Variants in WNK2 observed in about 807,000 individuals in gnomAD.
The protein encoded by WNK2 is WNK lysine deficient protein kinase 2.
Under a neutral mutation model 192.1 loss-of-function variants are expected in WNK2, and 67 were observed. The observed-to-expected ratio is 0.35, with a 90% CI of 0.29 to 0.43. WNK2 has a LOEUF of 0.43. Ranked by LOEUF, WNK2 falls within the 20% of genes least tolerant of loss-of-function variation. The pLI, the probability that WNK2 is intolerant of heterozygous loss-of-function variation, is 1.00. For synonymous variants in WNK2, 1,439 were observed against 1,393.9 expected (o/e 1.03, Z -0.72); for missense variants, 2,698 against 3,089.7 (o/e 0.87, Z 3.01).
intron 2 of WNK2, among the ~76,000 whole-genome samples, chr9:93,211,722 T>C (rs1834800009): frequency 6.6e-6 from 1 of 151,150 alleles, no homozygotes. Context: ...CATCTACTCA[T>C]TCACTTACTC....
rs547658615 is a variant in WNK2, at chr9:93,315,781, C to G, written c.6517-1739C>G. On this transcript the variant is annotated intron_variant, in intron 28 of 29. Transcript: ENST00000427277. ...CTTTTCCATGAACTTTTTGAAGACC[C>G]CTTGTGTGTGTGTGTGTGTGTGTGT... is the stretch of plus-strand genomic sequence containing the variant. 5 of 72,722 alleles carry G rather than the reference C, an allele frequency of 6.9e-5. 1 individual carries two copies. The South Asian group carries it at 2.6e-3, about 38-fold the overall frequency. The allele number at this position is 72,722 out of a possible 1,614,324, so 4.5% of individuals were successfully genotyped here.
At chr9:93,224,284 G>T (rs1003671339) in intron 2 of WNK2, among the ~76,000 whole-genome samples, 3 of 152,212 alleles carry the variant, frequency 2.0e-5, no homozygotes, top group African/African-American at 4.8e-5. Context: ...GGAATCCCAA[G>T]TGTGCCCCTA....
In WNK2 at chr9:93,238,333, T is replaced by C; in HGVS notation, c.1322+12T>C. ...AACAAGGAGGAAAGGTGAGTTCCCC[T>C]GAAGGGCTGGGTTCTGGGGTCCATC... On this transcript the variant is annotated intron_variant, in intron 6 of 29. Coordinates refer to ENST00000427277, the MANE Select transcript of WNK2 (RefSeq NM_006648.4). 1 of 1,610,460 alleles carries C rather than the reference T, an allele frequency of 6.2e-7. No homozygotes were observed. Among genetic ancestry groups the C allele is most frequent in the Non-Finnish European group, 8.5e-7 (1 of 1,176,676 alleles).
chr9:93,190,800 C>T (rs1469298737), intron 2 of WNK2, among the ~76,000 whole-genome samples: 2 of 152,220 alleles, frequency 1.3e-5, no homozygotes, highest in East Asian at 3.8e-4. Context: ...GCCCTGGCTG[C>T]TTCACGGGTC....
chr9:93,292,933 A>G lies in WNK2; in HGVS notation c.5468A>G (p.Gln1823Arg). ...GPRARPPVQK[Q>R]ASLPVSGSVA... ...CGGGCGAGACCCCCGGTGCAGAAGCAGGCGTCCCTGCCCGTGAGTGGCAGC... is the reference window on the plus strand; with the variant it reads ...CGGGCGAGACCCCCGGTGCAGAAGCGGGCGTCCCTGCCCGTGAGTGGCAGC... Residue 1823 changes from glutamine to arginine, a missense_variant, in exon 23 of 30, where the codon CAG becomes CGG. By Grantham distance (43) the Gln-to-Arg change is conservative. Coordinates refer to ENST00000427277, the MANE Select transcript of WNK2 (RefSeq NM_006648.4). The G allele has an allele frequency of 6.5e-7, 1 of 1,529,708 alleles. No individual in the cohort carries two copies. Among genetic ancestry groups the G allele is most frequent in the Admixed American group, 2.0e-5 (1 of 48,786 alleles). 94.8% of individuals were successfully genotyped at this position (1,529,708 alleles called of 1,614,324 possible).
At chr9:93,316,272 G>A (rs1854648545) in intron 28 of WNK2, 5 of 152,278 alleles carry the variant, frequency 3.3e-5, no homozygotes, top group South Asian at 2.1e-4. Flanking sequence ...TTTTCAGGTC[G>A]TTAATATTTC....
At chr9:93,255,469 T>C (rs10992689) in intron 9 of WNK2, among the ~76,000 whole-genome samples, 53,717 of 152,008 alleles carry the variant, frequency 0.35, 10,024 homozygotes, top group South Asian at 0.52. Context: ...AAGCCCAGCT[T>C]GATCCCAGAT....
At chr9:93,193,516 C>T (rs1445684426) in intron 2 of WNK2, among the ~76,000 whole-genome samples, 1 of 152,238 alleles carries the variant, frequency 6.6e-6, no homozygotes, top group African/African-American at 2.4e-5. Flanking sequence ...CGCCCGGGAG[C>T]TGTGGGCACC....
chr9:93,300,133 C>T lies in WNK2; in HGVS notation c.6198C>T (p.Pro2066=), dbSNP rs750656920. The T allele has an allele frequency of 2.2e-5, 35 of 1,613,082 alleles. No homozygotes were observed. The highest frequency in any genetic ancestry group is 2.7e-5 in the Non-Finnish European group (32 of 1,179,572). ...SKPRARFLSG[P]VSVSIWSALK... ...CTCGTGCTCGATTCCTCAGTGGACC[C>T]GTATCTGTGTCCATCTGTCTGTATT... is the stretch of plus-strand genomic sequence containing the variant. The change falls in exon 26 of 30, where the codon CCC becomes CCT. Residue 2066 remains proline, a synonymous_variant. Coordinates refer to ENST00000427277, the MANE Select transcript of WNK2 (RefSeq NM_006648.4).
At chr9:93,208,813 A>G (rs887600680) in intron 2 of WNK2, among the ~76,000 whole-genome samples, 2 of 2,208 alleles carry the variant, frequency 9.1e-4, no homozygotes, top group African/African-American at 3.7e-3. Context: ...TGTTCTGTGT[A>G]TGTGCATGTT....
Position 93,259,149 on chromosome 9 carries a change from G to T in WNK2, c.2601G>T (p.Ala867=). 1 of 1,610,814 alleles carries T rather than the reference G, an allele frequency of 6.2e-7. No homozygotes were observed. The highest frequency in any genetic ancestry group is 1.1e-5 in the South Asian group (1 of 90,970). ...QAVKLPHPPG[A]PLAMPCRTIV... The stretch of plus-strand genomic sequence containing the variant: ...TGAAGCTGCCCCACCCCCCTGGGGC[G>T]CCCCTGGCCATGCCCTGCCGGACCA... Residue 867 remains alanine, a synonymous_variant, in exon 12 of 30, where the codon GCG becomes GCT. Transcript: ENST00000427277. The surrounding 1 kb of genome is among the most constrained non-coding windows in gnomAD (Gnocchi z 4.8).
chr9:93,283,474 T>A (rs975039847), intron 19 of WNK2, among the ~76,000 whole-genome samples: 6 of 152,210 alleles, frequency 3.9e-5, no homozygotes, highest in Non-Finnish European at 8.8e-5. Flanking sequence ...GAGACACTGC[T>A]ACAGTCCTAC....
intron 7 of WNK2, among the ~76,000 whole-genome samples, chr9:93,246,444 T>C (rs1006497758): frequency 7.2e-5 from 11 of 152,206 alleles, no homozygotes; most frequent in African/African-American, 2.4e-4. Flanking sequence ...CGCGAAGGTG[T>C]CGGGAGCCTG....
At chr9:93,241,692 G>A (rs1840790981) in intron 7 of WNK2, among the ~76,000 whole-genome samples, 2 of 152,162 alleles carry the variant, frequency 1.3e-5, no homozygotes, top group Non-Finnish European at 2.9e-5. Context: ...TTGGAGCCAG[G>A]AATGCTGGGG....
chr9:93,264,614 A>G (rs1010390512), intron 16 of WNK2, among the ~76,000 whole-genome samples: 1 of 151,854 alleles, frequency 6.6e-6, no homozygotes, highest in African/African-American at 2.4e-5. Flanking sequence ...GCCCTCAGAA[A>G]CTCTCCAGCT....
Position 93,209,965 on chromosome 9 carries a change from T to C in WNK2, c.682-19731T>C, listed in dbSNP as rs141884652. On this transcript the variant is annotated intron_variant, in intron 2 of 29. Coordinates refer to ENST00000427277, the MANE Select transcript of WNK2 (RefSeq NM_006648.4). ...GCCTGTGGGCACCAAGATCATGACC[T>C]CTCTGTGGCCTGGGAGAGATGGAAG... Among the ~76,000 whole-genome samples, 183 of 152,214 alleles carry C rather than the reference T, an allele frequency of 1.2e-3. 1 individual carries two copies. Among genetic ancestry groups the C allele is most frequent in the African/African-American group, 3.6e-3 (151 of 41,554 alleles).
At chr9:93,298,094 T>G in intron 24 of WNK2, 27 bp downstream of exon 24, 1 of 1,546,444 alleles carries the variant, frequency 6.5e-7, no homozygotes, top group Non-Finnish European at 8.7e-7. Flanking sequence ...AGGGCTGGGA[T>G]GGGAGCGGGG....
intron 2 of WNK2, among the ~76,000 whole-genome samples, chr9:93,190,258 C>T (rs116066405): frequency 0.011 from 1,650 of 152,274 alleles, 25 homozygotes; most frequent in African/African-American, 0.037. Flanking sequence ...TTCTGCCCCC[C>T]GAGTGGTGGT....
At chr9:93,216,388 G>A (rs1163650761) in intron 2 of WNK2, among the ~76,000 whole-genome samples, 1 of 152,158 alleles carries the variant, frequency 6.6e-6, no homozygotes, top group Admixed American at 6.5e-5. Flanking sequence ...GGTCACATCT[G>A]TAGTCCCAGC....
Sources: gnomAD v4.1 joint callset for allele counts (sites outside exome capture counted in the v4.1 genomes callset) on GRCh38, gnomAD v4.1.1 for gene constraint, Gnocchi (gnomAD v3.1) non-coding constraint, MANE v1.5 for transcripts, NCBI Gene and HGNC (gene_info 2026-07-23, HGNC 2026-07-21) for gene names.